Variants in NALCN observed in about 807,000 individuals in gnomAD.
The protein encoded by NALCN is sodium leak channel, non-selective.
NALCN carries 111 observed loss-of-function variants against 225.3 expected under a neutral mutation model. That is an observed-to-expected ratio of 0.49 (90% CI 0.42 to 0.58). The LOEUF is 0.58. NALCN is among the 20% of genes least tolerant of loss of function. The pLI is 0.00. For synonymous variants in NALCN, 764 were observed against 769.0 expected (o/e 0.99, Z 0.11); for missense variants, 1,378 against 2,202.4 (o/e 0.63, Z 7.49).
At chr13:101,205,563 T>G (rs967456014) in intron 13 of NALCN, among the ~76,000 whole-genome samples, 3 of 152,120 alleles carry the variant, frequency 2.0e-5, no homozygotes, top group Non-Finnish European at 2.9e-5. Context: ...AATGTTGAAC[T>G]GCAACCGTCT....
At position 101,069,679 on chromosome 13, in the gene NALCN, C is replaced by T. The variant is rs561863924; in HGVS notation, c.4198-852G>A. ...ATTTTACCCACAATAGAACTTCTTT[C>T]GAATTTGGAGTCAACCCTCTCAAAC... On this transcript the variant is annotated intron_variant, in intron 37 of 43. Coordinates refer to ENST00000251127, the MANE Select transcript of NALCN (RefSeq NM_052867.4). Among the ~76,000 whole-genome samples, 14 of 152,162 alleles carry T rather than the reference C, an allele frequency of 9.2e-5. No individual in the cohort carries two copies. In the South Asian group the frequency reaches 1.0e-3, roughly 11 times the overall value.
In NALCN at chr13:101,089,830, C is replaced by A; in HGVS notation, c.3390+16G>T. 1 of 1,614,016 alleles carries A rather than the reference C, an allele frequency of 6.2e-7. No homozygotes were observed. The highest frequency in any genetic ancestry group is 1.3e-5 in the African/African-American group (1 of 75,040). Reference sequence around the variant, plus strand: ...CTGCTCTTGAAGTGTTCAAAGGATTCGATGTGCTCGCTTACCGGCCCCACA... The same window carrying A: ...CTGCTCTTGAAGTGTTCAAAGGATTAGATGTGCTCGCTTACCGGCCCCACA... On this transcript the variant is annotated intron_variant, in intron 29 of 43. Coordinates refer to ENST00000251127, the MANE Select transcript of NALCN (RefSeq NM_052867.4). The surrounding 1 kb of genome is among the most constrained non-coding windows in gnomAD (Gnocchi z 4.7).
At chr13:101,092,792 G>T (rs2034305149) in intron 28 of NALCN, among the ~76,000 whole-genome samples, 1 of 152,184 alleles carries the variant, frequency 6.6e-6, no homozygotes, top group African/African-American at 2.4e-5. Flanking sequence ...TATAAAACCT[G>T]ATCACCTTCT....
chr13:101,248,314 A>G (rs1311377186), intron 11 of NALCN, among the ~76,000 whole-genome samples: 11 of 152,208 alleles, frequency 7.2e-5, no homozygotes, highest in Admixed American at 7.2e-4. Context: ...GGAACGAACC[A>G]ATAATTTCAG....
At chr13:101,373,215 C>A in intron 6 of NALCN, 1 of 191,794 alleles carries the variant, frequency 5.2e-6, no homozygotes, top group Non-Finnish European at 1.1e-5. Context: ...AATTTCAGGC[C>A]CTGAGTTTTA....
intron 7 of NALCN, among the ~76,000 whole-genome samples, chr13:101,326,726 A>T (rs1457344252): frequency 1.3e-5 from 2 of 152,346 alleles, no homozygotes; most frequent in East Asian, 3.9e-4. Flanking sequence ...GGTGGGTTAA[A>T]GCATCTGCTA....
intron 11 of NALCN, among the ~76,000 whole-genome samples, chr13:101,249,401 G>T (rs2041996879): frequency 6.6e-6 from 1 of 152,136 alleles, no homozygotes; most frequent in South Asian, 2.1e-4. Flanking sequence ...AAGAGAAAAA[G>T]AGAAAAATAT....
intron 10 of NALCN, among the ~76,000 whole-genome samples, chr13:101,269,644 A>G (rs547004157): frequency 2.6e-5 from 4 of 152,304 alleles, no homozygotes; most frequent in African/African-American, 9.6e-5. Flanking sequence ...AAGCAATACA[A>G]TCTTGTTGCT....
rs142630813 is a variant in NALCN, at chr13:101,108,788, C to T, written c.2365-999G>A. ...AGTTCCAGTAACTCAGTAGATTTTA[C>T]AGAAAGCACTCCTTAGACTTAATTA... On this transcript the variant is annotated intron_variant, in intron 20 of 43. Coordinates refer to ENST00000251127, the MANE Select transcript of NALCN (RefSeq NM_052867.4). 6.7e-4 allele frequency among the ~76,000 whole-genome samples: 102 copies of T among 152,264 alleles called. 1 individual carries two copies. Among genetic ancestry groups the T allele is most frequent in the African/African-American group, 2.4e-3 (99 of 41,566 alleles).
At chr13:101,093,688 A>G (rs2034352823) in intron 28 of NALCN, among the ~76,000 whole-genome samples, 1 of 152,210 alleles carries the variant, frequency 6.6e-6, no homozygotes. Context: ...CACAACTGGC[A>G]GGTTTACTTT....
chr13:101,189,868 T>C (rs112750842), intron 14 of NALCN, among the ~76,000 whole-genome samples: 25 of 152,318 alleles, frequency 1.6e-4, no homozygotes, highest in African/African-American at 3.6e-4. Flanking sequence ...GAATTAGAGA[T>C]TGGTTTTCAT....
chr13:101,215,162 T>A (rs979816496), intron 13 of NALCN, among the ~76,000 whole-genome samples: 3 of 152,134 alleles, frequency 2.0e-5, no homozygotes, highest in African/African-American at 7.2e-5. Context: ...TAGCTTAGGA[T>A]AAATTGGTAA....
At chr13:101,397,438 TG>T (rs1487796870) in intron 2 of NALCN, among the ~76,000 whole-genome samples, 1 of 150,960 alleles carries the variant, frequency 6.6e-6, no homozygotes, top group Admixed American at 6.6e-5. Flanking sequence ...ACATGTTATA[TG>T]CATGCACATA....
chr13:101,165,153 T>C (rs1179038315), intron 15 of NALCN, among the ~76,000 whole-genome samples: 1 of 152,188 alleles, frequency 6.6e-6, no homozygotes, highest in Non-Finnish European at 1.5e-5. Flanking sequence ...CATACCACAA[T>C]GGCAAAAGGT....
chr13:101,093,490 C>A (rs544339172), intron 28 of NALCN, among the ~76,000 whole-genome samples: 120 of 152,282 alleles, frequency 7.9e-4, no homozygotes, highest in Non-Finnish European at 1.3e-3. Flanking sequence ...GTCACATTAT[C>A]CTGGAGAAAT....
At chr13:101,395,606 A>G (rs1004078919) in intron 2 of NALCN, among the ~76,000 whole-genome samples, 2 of 152,208 alleles carry the variant, frequency 1.3e-5, no homozygotes, top group Non-Finnish European at 2.9e-5. Flanking sequence ...AGAAAGGTGG[A>G]GGCATTTCTG....
chr13:101,100,457 C>A (rs531946132), intron 27 of NALCN, among the ~76,000 whole-genome samples: 50 of 152,312 alleles, frequency 3.3e-4, no homozygotes, highest in African/African-American at 1.1e-3. Flanking sequence ...AGACATATCA[C>A]ATGCTTAAGC....
At chr13:101,327,366 T>C (rs2044996755) in intron 7 of NALCN, among the ~76,000 whole-genome samples, 1 of 141,956 alleles carries the variant, frequency 7.0e-6, no homozygotes, top group Non-Finnish European at 1.6e-5. Context: ...TTTCAAGTAA[T>C]TTTTCTAGCT....
chr13:101,290,352 G>C (rs2043507525), intron 9 of NALCN, among the ~76,000 whole-genome samples: 1 of 152,132 alleles, frequency 6.6e-6, no homozygotes, highest in Non-Finnish European at 1.5e-5. Flanking sequence ...TGAGATCATA[G>C]TTCCATATTC....
Sources: allele counts gnomAD v4.1 joint callset (sites outside exome capture counted in the v4.1 genomes callset), GRCh38; gene constraint gnomAD v4.1.1; non-coding constraint Gnocchi (gnomAD v3.1); transcripts MANE v1.5; gene names NCBI Gene and HGNC (gene_info 2026-07-23, HGNC 2026-07-21).